The following XKR6 variants were observed in gnomAD, a reference collection of about 807,000 sequenced individuals.
The protein encoded by XKR6 is XK related 6.
Under a neutral mutation model 56.7 loss-of-function variants are expected in XKR6, and 22 were observed. The ratio of observed to expected loss-of-function variants is 0.39; its 90% CI spans 0.28 to 0.55. The LOEUF (loss-of-function observed/expected upper bound fraction) is 0.55, where lower values mean the gene tolerates loss of function less well. XKR6 is among the 20% of genes least tolerant of loss of function. XKR6 has a pLI of 0.66. For synonymous variants in XKR6, 524 were observed against 387.8 expected, an observed-to-expected ratio of 1.35 and a Z score of -4.13; for missense variants, 852 against 889.0, an observed-to-expected ratio of 0.96 and a Z score of 0.53.
chr8:11,143,130 A>T (rs181630438), intron 1 of XKR6, among the ~76,000 whole-genome samples: 2 of 152,370 alleles, frequency 1.3e-5, no homozygotes, highest in Admixed American at 1.3e-4. Flanking sequence ...ACCATTTTAC[A>T]ATCCTTAATA....
At chr8:11,193,899 T>C (rs1803723407) in intron 1 of XKR6, among the ~76,000 whole-genome samples, 1 of 152,194 alleles carries the variant, frequency 6.6e-6, no homozygotes, top group Non-Finnish European at 1.5e-5. Context: ...TATAGTTTAA[T>C]TTTAGCTGAA....
intron 1 of XKR6, among the ~76,000 whole-genome samples, chr8:11,071,446 T>C (rs983470809): frequency 2.1e-4 from 30 of 144,612 alleles, no homozygotes; most frequent in Middle Eastern, 3.6e-3. Context: ...TCATACAACC[T>C]CATTTTACAC....
chr8:11,152,783 C>T (rs1484969356), intron 1 of XKR6, among the ~76,000 whole-genome samples: 2 of 152,162 alleles, frequency 1.3e-5, no homozygotes, highest in East Asian at 3.9e-4. Flanking sequence ...TCTGGTCATT[C>T]CTTTCAGCCA....
chr8:10,984,757 T>TATATATATATATATATATATATATATATA (rs1554519601), intron 1 of XKR6, among the ~76,000 whole-genome samples: 5 of 139,944 alleles, frequency 3.6e-5, no homozygotes, highest in Admixed American at 7.1e-5. Flanking sequence ...TATATATATA[T>TATATATATATATATATATATATATATATA]TTGAAGAAAT....
intron 1 of XKR6, among the ~76,000 whole-genome samples, chr8:11,193,558 A>G (rs773873833): frequency 2.6e-5 from 4 of 152,214 alleles, no homozygotes; most frequent in Non-Finnish European, 5.9e-5. Flanking sequence ...TAGTGTCAAA[A>G]GAGAACTTAT....
At chr8:10,977,010 C>T (rs926020566) in intron 1 of XKR6, among the ~76,000 whole-genome samples, 1 of 151,990 alleles carries the variant, frequency 6.6e-6, no homozygotes, top group African/African-American at 2.4e-5. Flanking sequence ...GAGGCCAGGA[C>T]CAGAAAAGGA....
chr8:11,080,061 A>T (rs1041048355), intron 1 of XKR6, among the ~76,000 whole-genome samples: 7 of 152,132 alleles, frequency 4.6e-5, no homozygotes, highest in Non-Finnish European at 1.0e-4. Context: ...ACCTCTAAAC[A>T]AGGGTGCATG....
chr8:11,008,237 C>A (rs1798417652), intron 1 of XKR6, among the ~76,000 whole-genome samples: 1 of 152,182 alleles, frequency 6.6e-6, no homozygotes, highest in Non-Finnish European at 1.5e-5. Flanking sequence ...CCCACCCCAC[C>A]AGCCTCACTG....
intron 1 of XKR6, among the ~76,000 whole-genome samples, chr8:11,059,776 C>T (rs1028654549): frequency 6.6e-6 from 1 of 151,856 alleles, no homozygotes; most frequent in Admixed American, 6.6e-5. Flanking sequence ...CGCTGTAACC[C>T]CCTGCGCGAC....
At chr8:11,137,909 T>C (rs1484249840) in intron 1 of XKR6, 1 of 354,642 alleles carries the variant, frequency 2.8e-6, no homozygotes, top group Non-Finnish European at 5.5e-6. Flanking sequence ...AGGTCCAAAA[T>C]CCTATTTCGT....
chr8:11,021,905 A>G (rs1290769833), intron 1 of XKR6, among the ~76,000 whole-genome samples: 4 of 151,044 alleles, frequency 2.6e-5, no homozygotes, highest in African/African-American at 9.8e-5. Context: ...CCTCCTTCCT[A>G]CTTTCCTCCC....
chr8:11,119,886 A>G (rs1193474779), intron 1 of XKR6, among the ~76,000 whole-genome samples: 3 of 152,340 alleles, frequency 2.0e-5, no homozygotes, highest in African/African-American at 7.2e-5. Flanking sequence ...TCAACATACG[A>G]AAATCAATAA....
intron 1 of XKR6, among the ~76,000 whole-genome samples, chr8:10,993,096 A>C (rs1317931681): frequency 6.6e-6 from 1 of 152,268 alleles, no homozygotes; most frequent in East Asian, 1.9e-4. Flanking sequence ...ATCTACATTT[A>C]TATAAATAGC....
intron 1 of XKR6, among the ~76,000 whole-genome samples, chr8:11,089,235 G>A (rs1797988908): frequency 6.6e-6 from 1 of 152,178 alleles, no homozygotes; most frequent in Non-Finnish European, 1.5e-5. Flanking sequence ...TGCAGGGACT[G>A]CAACTCGACA....
Position 11,104,546 on chromosome 8 carries a change from T to C in XKR6, c.764+96030A>G, listed in dbSNP as rs541735323. 6.6e-5 allele frequency: 10 copies of C among 152,356 alleles called. No individual in the cohort carries two copies. The East Asian group carries it at 1.7e-3, about 26-fold the overall frequency. 9.4% of individuals were successfully genotyped at this position (152,356 alleles called of 1,614,324 possible). Reference sequence around the variant, plus strand: ...CTCATGGATTCATCCTTGGTTTCTCTTCCTTCAGGGCGCTTTTGTGCAGTT... The same window carrying C: ...CTCATGGATTCATCCTTGGTTTCTCCTCCTTCAGGGCGCTTTTGTGCAGTT... On this transcript the variant is annotated intron_variant, in intron 1 of 2. Transcript: ENST00000416569.
At chr8:11,105,088 T>C (rs913167970) in intron 1 of XKR6, 2 of 152,308 alleles carry the variant, frequency 1.3e-5, no homozygotes, top group African/African-American at 4.8e-5. Context: ...CCCTGGTTAA[T>C]GTCCTGTGAG....
intron 1 of XKR6, among the ~76,000 whole-genome samples, chr8:10,961,814 C>T (rs926818620): frequency 1.3e-5 from 2 of 152,210 alleles, no homozygotes; most frequent in East Asian, 3.9e-4. Flanking sequence ...CAGGAGTGAA[C>T]CTGCCTTCCG....
intron 1 of XKR6, among the ~76,000 whole-genome samples, chr8:11,112,176 G>C (rs1798927177): frequency 6.6e-6 from 1 of 152,138 alleles, no homozygotes; most frequent in Non-Finnish European, 1.5e-5. Context: ...CTTTAAAGTG[G>C]CATTAGTTCT....
intron 1 of XKR6, among the ~76,000 whole-genome samples, chr8:11,122,028 G>A (rs1167483096): frequency 2.6e-5 from 4 of 152,064 alleles, no homozygotes; most frequent in Non-Finnish European, 5.9e-5. Flanking sequence ...CACACAATGG[G>A]ATATTCAATA....
Sources: gnomAD v4.1 joint callset for allele counts (sites outside exome capture counted in the v4.1 genomes callset) on GRCh38, gnomAD v4.1.1 for gene constraint, MANE v1.5 for transcripts, NCBI Gene and HGNC (gene_info 2026-07-23, HGNC 2026-07-21) for gene names.